The following AGAP1 variants were observed in gnomAD, a reference collection of about 807,000 sequenced individuals.
The protein encoded by AGAP1 is ArfGAP with GTPase domain, ankyrin repeat and PH domain 1, also known as arf-GAP with GTPase, ANK repeat and PH domain-containing protein 1.
Under a neutral mutation model 105.3 loss-of-function variants are expected in AGAP1, and 29 were observed. The observed-to-expected ratio is 0.28, with a 90% CI of 0.21 to 0.38. The LOEUF (loss-of-function observed/expected upper bound fraction) is 0.38, where lower values mean the gene tolerates loss of function less well. AGAP1 is among the 10% of genes least tolerant of loss of function. AGAP1 has a pLI of 1.00. For synonymous variants in AGAP1, 509 were observed against 485.9 expected (o/e 1.05, Z -0.63); for missense variants, 998 against 1,165.1 (o/e 0.86, Z 2.09).
At position 235,621,750 on chromosome 2, in the gene AGAP1, G is replaced by C. The variant is rs1320442528; in HGVS notation, c.164-87429G>C. Among the ~76,000 whole-genome samples, 1 of 152,216 alleles carries C rather than the reference G, an allele frequency of 6.6e-6. No homozygotes were observed. Among genetic ancestry groups the C allele is most frequent in the African/African-American group, 2.4e-5 (1 of 41,454 alleles). ...TTTATGTCCTAAGGATTTGAAGATA[G>C]AAGAGGCACAGCAGTCACTTGGGAG... On this transcript the variant is annotated intron_variant, in intron 1 of 17. Coordinates refer to ENST00000304032, the MANE Select transcript of AGAP1 (RefSeq NM_001037131.3). This position sits in a 1 kb window ranked among gnomAD's most constrained non-coding sequence, Gnocchi z 4.1.
At chr2:236,069,079 A>C (rs139722924) in intron 16 of AGAP1, among the ~76,000 whole-genome samples, 3,491 of 151,972 alleles carry the variant, frequency 0.023, 116 homozygotes, top group African/African-American at 0.076. Flanking sequence ...GTGAGCCGAG[A>C]TCACGCTAGT....
intron 11 of AGAP1, among the ~76,000 whole-genome samples, chr2:235,917,138 A>G (rs2125085407): frequency 6.6e-6 from 1 of 152,194 alleles, no homozygotes; most frequent in East Asian, 1.9e-4. Flanking sequence ...CCTTTGTCAA[A>G]GGAATCCTTT....
Position 235,883,854 on chromosome 2 carries a change from A to G in AGAP1, c.1155+405A>G, listed in dbSNP as rs1304213168. Reference sequence around the variant, plus strand: ...TTGAAAAGCTGTGAACAATAATCAGAAGTCAAATGCAATTCATGACTCAGC... The same window carrying G: ...TTGAAAAGCTGTGAACAATAATCAGGAGTCAAATGCAATTCATGACTCAGC... On this transcript the variant is annotated intron_variant, in intron 10 of 17. Transcript: ENST00000304032. The surrounding 1 kb of genome is among the most constrained non-coding windows in gnomAD (Gnocchi z 4.5). Among the ~76,000 whole-genome samples, 1 of 152,220 alleles carries G rather than the reference A, an allele frequency of 6.6e-6. No homozygotes were observed. The highest frequency in any genetic ancestry group is 6.5e-5 in the Admixed American group (1 of 15,282).
intron 13 of AGAP1, among the ~76,000 whole-genome samples, chr2:236,016,047 A>AAAAG (rs10672263): frequency 0.65 from 99,038 of 151,648 alleles, 33,767 homozygotes; most frequent in African/African-American, 0.85. Context: ...AAAAAAAAGA[A>AAAAG]AAAGAAATCT....
chr2:236,008,423 T>C (rs2056398245), intron 13 of AGAP1, among the ~76,000 whole-genome samples: 1 of 152,228 alleles, frequency 6.6e-6, no homozygotes, highest in South Asian at 2.1e-4. Context: ...CTCACGTTCA[T>C]CTGACAATGT....
rs1020346097 is a variant in AGAP1, at chr2:235,578,228, G to A, written c.163+83379G>A. On this transcript the variant is annotated intron_variant, in intron 1 of 17. Coordinates refer to ENST00000304032, the MANE Select transcript of AGAP1 (RefSeq NM_001037131.3). The surrounding 1 kb of genome is among the most constrained non-coding windows in gnomAD (Gnocchi z 4.9). ...AAACTGCCACTGTCAGAGCCAGCCT[G>A]AGCTCCACGGTGCCCGTCTCCTACC... 6.6e-6 allele frequency among the ~76,000 whole-genome samples: 1 copy of A among 152,108 alleles called. No homozygotes were observed. The highest frequency in any genetic ancestry group is 2.4e-5 in the African/African-American group (1 of 41,430).
At chr2:236,085,002 C>T (rs1304220406) in intron 16 of AGAP1, among the ~76,000 whole-genome samples, 1 of 151,874 alleles carries the variant, frequency 6.6e-6, no homozygotes, top group Non-Finnish European at 1.5e-5. Context: ...ATCACAAGCT[C>T]AGGAGTTCAA....
At chr2:235,770,387 G>A (rs531309977) in intron 6 of AGAP1, among the ~76,000 whole-genome samples, 2 of 151,828 alleles carry the variant, frequency 1.3e-5, no homozygotes, top group Non-Finnish European at 2.9e-5. Context: ...TGCCCACCTC[G>A]GCCTCCCAAA....
chr2:235,835,757 G>T (rs936631630), intron 9 of AGAP1, among the ~76,000 whole-genome samples: 5 of 152,186 alleles, frequency 3.3e-5, no homozygotes, highest in African/African-American at 9.7e-5. Context: ...AGCTTTGCTC[G>T]TGTAGTTTAC....
Position 235,612,361 on chromosome 2 carries a change from T to C in AGAP1, c.164-96818T>C, listed in dbSNP as rs2149256249. On this transcript the variant is annotated intron_variant, in intron 1 of 17. Coordinates refer to ENST00000304032, the MANE Select transcript of AGAP1 (RefSeq NM_001037131.3). This position sits in a 1 kb window ranked among gnomAD's most constrained non-coding sequence, Gnocchi z 4.3. Reference sequence around the variant, plus strand: ...AGATGCCCCTTGGTTGCATTTAATGTGTGTGCATAATCAGAGGGCAAGGAC... The same window carrying C: ...AGATGCCCCTTGGTTGCATTTAATGCGTGTGCATAATCAGAGGGCAAGGAC... Among the ~76,000 whole-genome samples the C allele has an allele frequency of 6.6e-6, 1 of 152,236 alleles. No individual in the cohort carries two copies. The highest frequency in any genetic ancestry group is 2.1e-4 in the South Asian group (1 of 4,808).
chr2:235,840,076 G>A (rs899162315), intron 9 of AGAP1, among the ~76,000 whole-genome samples: 1 of 152,204 alleles, frequency 6.6e-6, no homozygotes, highest in Non-Finnish European at 1.5e-5. Flanking sequence ...TTGTAATCAG[G>A]TCATATTGTG....
rs912837826 is a variant in AGAP1 at position 235,960,451 on chromosome 2, A to G, written c.1484-8011A>G. ...TTTCTCCCGGTGCAATGACACCTTC[A>G]TCTCCCTGTTGGTCCCATTCTCTGG... On this transcript the variant is annotated intron_variant, in intron 12 of 17. Coordinates refer to ENST00000304032, the MANE Select transcript of AGAP1 (RefSeq NM_001037131.3). This position sits in a 1 kb window ranked among gnomAD's most constrained non-coding sequence, Gnocchi z 4.9. 2.6e-5 allele frequency among the ~76,000 whole-genome samples: 4 copies of G among 151,904 alleles called. No homozygotes were observed. Among genetic ancestry groups the G allele is most frequent in the African/African-American group, 7.3e-5 (3 of 41,348 alleles).
In AGAP1 at chr2:235,930,251, C is replaced by T. The variant is rs1290685257; in HGVS notation, c.1325-514C>T. On this transcript the variant is annotated intron_variant, in intron 11 of 17. Coordinates refer to ENST00000304032, the MANE Select transcript of AGAP1 (RefSeq NM_001037131.3). The surrounding 1 kb of genome is among the most constrained non-coding windows in gnomAD (Gnocchi z 7.9). ...CTGGTTGAAGAGCCTGCATTTCCTCCGTGTCGTGTCTAGGGACTTTGATTT... is the reference window on the plus strand; with the variant it reads ...CTGGTTGAAGAGCCTGCATTTCCTCTGTGTCGTGTCTAGGGACTTTGATTT... Among the ~76,000 whole-genome samples the T allele has an allele frequency of 1.3e-5, 2 of 151,472 alleles. No individual in the cohort carries two copies. Among genetic ancestry groups the T allele is most frequent in the Non-Finnish European group, 3.0e-5 (2 of 67,514 alleles).
At chr2:235,500,838 G>A (rs1002519194) in intron 1 of AGAP1, among the ~76,000 whole-genome samples, 3 of 152,168 alleles carry the variant, frequency 2.0e-5, no homozygotes, top group African/African-American at 4.8e-5. Context: ...AAAAGACAGA[G>A]GGTTTATTAG....
intron 6 of AGAP1, among the ~76,000 whole-genome samples, chr2:235,760,715 AGCTAGC>A (rs1559449328): frequency 6.6e-6 from 1 of 152,176 alleles, no homozygotes; most frequent in Non-Finnish European, 1.5e-5. Flanking sequence ...TCTCCTGAGT[AGCTAGC>A]GCTACTGGTG....
chr2:235,498,657 C>G (rs1259045364), intron 1 of AGAP1, among the ~76,000 whole-genome samples: 1 of 152,236 alleles, frequency 6.6e-6, no homozygotes, highest in Admixed American at 6.5e-5. Flanking sequence ...CATCGTAATT[C>G]AGCTTGCCAG....
chr2:235,826,698 A>C (rs551612187), intron 9 of AGAP1, among the ~76,000 whole-genome samples: 1 of 152,260 alleles, frequency 6.6e-6, no homozygotes, highest in Non-Finnish European at 1.5e-5. Flanking sequence ...TCAGCCTCCC[A>C]AAGTGCTGGA....
rs1487129892 is a variant in AGAP1, at chr2:235,801,050, T to C, written c.957+1528T>C. ...GCCACATGTCTGGGGCAGTCTCTCA[T>C]TGGATGCTCATGACTGCGGAGGCGG... On this transcript the variant is annotated intron_variant, in intron 8 of 17. Coordinates refer to ENST00000304032, the MANE Select transcript of AGAP1 (RefSeq NM_001037131.3). This position sits in a 1 kb window ranked among gnomAD's most constrained non-coding sequence, Gnocchi z 6.0. Among the ~76,000 whole-genome samples the C allele has an allele frequency of 1.3e-5, 2 of 152,182 alleles. No homozygotes were observed. The highest frequency in any genetic ancestry group is 6.5e-5 in the Admixed American group (1 of 15,282).
In AGAP1 at chr2:235,741,105, G is replaced by A; in HGVS notation, c.396+57G>A. ...TTTTTCCCTTTGTTTTCTAAGGTTT[G>A]ATTCAAGAAGTGCTTCTAGAAATCG... On this transcript the variant is annotated intron_variant, in intron 4 of 17. Transcript: ENST00000304032. The surrounding 1 kb of genome is among the most constrained non-coding windows in gnomAD (Gnocchi z 4.9). The A allele has an allele frequency of 7.2e-7, 1 of 1,396,072 alleles. No individual in the cohort carries two copies. The highest frequency in any genetic ancestry group is 9.6e-7 in the Non-Finnish European group (1 of 1,037,982). The allele number at this position is 1,396,072 out of a possible 1,614,324, so 86.5% of individuals were successfully genotyped here.
Sources: gnomAD v4.1 joint callset for allele counts (sites outside exome capture counted in the v4.1 genomes callset) on GRCh38, gnomAD v4.1.1 for gene constraint, Gnocchi (gnomAD v3.1) non-coding constraint, MANE v1.5 for transcripts, NCBI Gene and HGNC (gene_info 2026-07-23, HGNC 2026-07-21) for gene names.